NRG1: variants seen among roughly 807,000 people sequenced by gnomAD.
NRG1 encodes neuregulin 1.
NRG1 carries 18 observed loss-of-function variants against 63.8 expected under a neutral mutation model. That is an observed-to-expected ratio of 0.28 (90% CI 0.19 to 0.42). The LOEUF is 0.42. Ranked by LOEUF, NRG1 falls within the 10% of genes least tolerant of loss-of-function variation. The probability of loss-of-function intolerance (pLI) is 1.00; values close to 1 mark genes in which losing one functional copy is unlikely to be tolerated. For synonymous variants in NRG1, 302 were observed against 301.3 expected (o/e 1.00, Z -0.02); for missense variants, 762 against 814.7 (o/e 0.94, Z 0.79).
At chr8:31,889,154 T>C (rs1373305563) in intron 1 of NRG1, among the ~76,000 whole-genome samples, 1 of 152,194 alleles carries the variant, frequency 6.6e-6, no homozygotes, top group African/African-American at 2.4e-5. Flanking sequence ...CCACTCATTT[T>C]AAAAGTAATG....
At chr8:32,160,256 GC>G (rs2131906921) in intron 1 of NRG1, among the ~76,000 whole-genome samples, 1 of 152,258 alleles carries the variant, frequency 6.6e-6, no homozygotes, top group East Asian at 1.9e-4. Context: ...AATACAAAGA[GC>G]ATATTTGATA....
intron 1 of NRG1, among the ~76,000 whole-genome samples, chr8:31,711,856 A>G (rs1224983078): frequency 6.6e-6 from 1 of 152,198 alleles, no homozygotes; most frequent in East Asian, 1.9e-4. Flanking sequence ...GAAGGAGCAA[A>G]GAAACCTTCG....
intron 1 of NRG1, among the ~76,000 whole-genome samples, chr8:31,818,698 C>G (rs980723271): frequency 5.3e-5 from 8 of 152,122 alleles, no homozygotes; most frequent in African/African-American, 1.9e-4. Context: ...GTGGCCCGGT[C>G]CCTAACAAGA....
At chr8:31,886,570 A>C (rs2129613385) in intron 1 of NRG1, among the ~76,000 whole-genome samples, 1 of 152,250 alleles carries the variant, frequency 6.6e-6, no homozygotes, top group Non-Finnish European at 1.5e-5. Flanking sequence ...AGTTTGCTAA[A>C]ATGAATAGGA....
chr8:31,983,795 T>C (rs1809581444), intron 1 of NRG1, among the ~76,000 whole-genome samples: 1 of 151,944 alleles, frequency 6.6e-6, no homozygotes, highest in Non-Finnish European at 1.5e-5. Context: ...AGTCAGGACA[T>C]CCTAATTCAA....
intron 1 of NRG1, among the ~76,000 whole-genome samples, chr8:31,875,898 G>A (rs1041536611): frequency 6.6e-5 from 10 of 152,090 alleles, no homozygotes; most frequent in African/African-American, 1.4e-4. Context: ...CTGTGTTTCC[G>A]GGAGAAGCAG....
chr8:32,597,611 A>G (rs1843594899), intron 2 of NRG1, among the ~76,000 whole-genome samples: 1 of 152,142 alleles, frequency 6.6e-6, no homozygotes, highest in Non-Finnish European at 1.5e-5. Flanking sequence ...AGCACATGGC[A>G]ACTATCTTAT....
At chr8:31,852,793 G>A (rs922816008) in intron 1 of NRG1, among the ~76,000 whole-genome samples, 3 of 152,158 alleles carry the variant, frequency 2.0e-5, no homozygotes, top group East Asian at 1.9e-4. Context: ...TGTATAAGGT[G>A]TAAGGAAGGG....
At chr8:31,972,781 C>A (rs1376551155) in intron 1 of NRG1, among the ~76,000 whole-genome samples, 1 of 152,162 alleles carries the variant, frequency 6.6e-6, no homozygotes, top group African/African-American at 2.4e-5. Flanking sequence ...ACTTGACCTG[C>A]CATAACAGTG....
chr8:32,220,512 T>C lies in NRG1; in HGVS notation c.38-375316T>C, dbSNP rs1470677608. ...GGTTAGTAGCTTGGGATCCTTCGGA[T>C]AACGGCTGGGCAATGAAAATAAAAA... On this transcript the variant is annotated intron_variant, in intron 1 of 10. Coordinates refer to the NRG1 transcript ENST00000519301. 2.0e-5 allele frequency among the ~76,000 whole-genome samples: 3 copies of C among 152,076 alleles called. No individual in the cohort carries two copies. In the East Asian group the frequency reaches 5.8e-4, roughly 29 times the overall value.
chr8:31,808,402 G>A (rs1223614555), intron 1 of NRG1, among the ~76,000 whole-genome samples: 1 of 151,886 alleles, frequency 6.6e-6, no homozygotes, highest in Non-Finnish European at 1.5e-5. Flanking sequence ...AAGATAAAAC[G>A]AGTTTAACAG....
chr8:31,657,391 T>C (rs1051068402), intron 1 of NRG1, among the ~76,000 whole-genome samples: 1 of 152,194 alleles, frequency 6.6e-6, no homozygotes, highest in African/African-American at 2.4e-5. Flanking sequence ...TAGTTGACCA[T>C]GGAGAACCAT....
At chr8:32,531,843 C>A (rs759492404) in intron 1 of NRG1, among the ~76,000 whole-genome samples, 38 of 152,074 alleles carry the variant, frequency 2.5e-4, no homozygotes, top group Non-Finnish European at 4.9e-4. Flanking sequence ...ATAGTGCCTA[C>A]CACAAAAGCC....
At chr8:31,984,634 C>T (rs545508024) in intron 1 of NRG1, among the ~76,000 whole-genome samples, 1 of 152,168 alleles carries the variant, frequency 6.6e-6, no homozygotes, top group East Asian at 1.9e-4. Context: ...GATGCCTGTG[C>T]CCTGCAATGC....
chr8:32,600,619 C>T (rs1563741698), intron 2 of NRG1, among the ~76,000 whole-genome samples: 1 of 152,032 alleles, frequency 6.6e-6, no homozygotes, highest in Non-Finnish European at 1.5e-5. Context: ...AATCACTTCA[C>T]ATTAATTTAT....
chr8:32,048,477 A>G (rs1204787577), intron 1 of NRG1, among the ~76,000 whole-genome samples: 2 of 108,976 alleles, frequency 1.8e-5, no homozygotes, highest in African/African-American at 3.2e-5. Context: ...ATATATATAT[A>G]TATATATAGT....
At chr8:32,719,812 T>C (rs1418133117) in intron 5 of NRG1, among the ~76,000 whole-genome samples, 1 of 152,150 alleles carries the variant, frequency 6.6e-6, no homozygotes, top group Middle Eastern at 3.2e-3. Context: ...TAAAGTTCTC[T>C]GGGTTTTATT....
chr8:32,212,934 A>G (rs1209537609), intron 1 of NRG1, among the ~76,000 whole-genome samples: 1 of 152,222 alleles, frequency 6.6e-6, no homozygotes, highest in African/African-American at 2.4e-5. Context: ...TTCATATTCT[A>G]AATTCTGAAA....
chr8:31,650,739 G>T (rs1804754718), intron 1 of NRG1, among the ~76,000 whole-genome samples: 1 of 150,944 alleles, frequency 6.6e-6, no homozygotes, highest in African/African-American at 2.5e-5. Flanking sequence ...CTCTGTTTCT[G>T]TGTGTCTTGC....
Sources: allele counts gnomAD v4.1 joint callset (sites outside exome capture counted in the v4.1 genomes callset), GRCh38; gene constraint gnomAD v4.1.1; transcripts MANE v1.5; gene names NCBI Gene and HGNC (gene_info 2026-07-23, HGNC 2026-07-21).